Variants in PDGFA observed in about 807,000 individuals in gnomAD.
PDGFA encodes platelet-derived growth factor subunit A.
Under a neutral mutation model 25.6 loss-of-function variants are expected in PDGFA, and 9 were observed. The ratio of observed to expected loss-of-function variants is 0.35; its 90% confidence interval spans 0.21 to 0.61. The LOEUF (loss-of-function observed/expected upper bound fraction) is 0.61, where lower values mean the gene tolerates loss of function less well. Among genes scored for constraint, PDGFA ranks in the 20% least tolerant of loss-of-function variants. The probability of loss-of-function intolerance (pLI) is 0.75; values close to 1 mark genes in which losing one functional copy is unlikely to be tolerated. For synonymous variants in PDGFA, 133 were observed against 111.8 expected, an observed-to-expected ratio of 1.19 and a Z score of -1.20; for missense variants, 242 against 272.8, an observed-to-expected ratio of 0.89 and a Z score of 0.79.
chr7:517,474 CG>C lies in PDGFA; in HGVS notation c.79del (p.Arg27AlafsTer3), dbSNP rs1433021619. 1.5e-6 allele frequency: 2 copies of C among 1,341,536 alleles called. No individual in the cohort carries two copies. Among genetic ancestry groups the C allele is most frequent in the South Asian group, 1.7e-5 (1 of 58,290 alleles). The allele number at this position is 1,341,536 out of a possible 1,614,324, so 83.1% of individuals were successfully genotyped here. A position where few individuals can be genotyped will look rare whatever the true frequency, so the allele number is the denominator to read the frequency against. On this transcript the variant is annotated frameshift_variant, in exon 2 of 6. Transcript: ENST00000402802. LOFTEE classifies it high-confidence loss of function. This position sits in a 1 kb window ranked among gnomAD's most constrained non-coding sequence, Gnocchi z 7.4. ...GCGGGCCAGCCTCTCGATCACCTCG[CG>C]GGGGATCTCGGCTTCCTGCAAGCAG...
chr7:516,154 C>T (rs928126632), intron 2 of PDGFA, among the ~76,000 whole-genome samples: 4 of 148,656 alleles, frequency 2.7e-5, no homozygotes, highest in African/African-American at 5.0e-5. Flanking sequence ...CTGAGGGATC[C>T]GGTCAAAATC....
exon 1 of PDGFA, chr7:519,176 G>A: frequency 2.2e-6 from 1 of 458,786 alleles, no homozygotes; most frequent in Non-Finnish European, 3.9e-6. Context: ...AGTGAGTGCG[G>A]AGAGGCAGGC....
chr7:519,282 A>AGGGCGGG (rs1278240871), exon 1 of PDGFA: 1 of 60,584 alleles, frequency 1.7e-5, no homozygotes, highest in African/African-American at 6.6e-5. Context: ...GAAGGGGCGG[A>AGGGCGGG]GGGCGGGGGC....
chr7:516,007 C>CA (rs1783075612), intron 2 of PDGFA, among the ~76,000 whole-genome samples: 2 of 114,562 alleles, frequency 1.7e-5, no homozygotes, highest in Non-Finnish European at 3.6e-5. Context: ...CACCCCCCCC[C>CA]AGAAAAAGCC....
intron 4 of PDGFA, 53 bp from the exon 5 acceptor site, chr7:501,295 T>C (rs1428484682): frequency 6.8e-6 from 11 of 1,608,482 alleles, no homozygotes; most frequent in Non-Finnish European, 7.6e-6. Context: ...GCTTCGGACA[T>C]CACGACGTGC....
intron 1 of PDGFA, 130 bp downstream of exon 1, chr7:518,809 G>T: frequency 1.8e-6 from 1 of 551,182 alleles, no homozygotes; most frequent in Non-Finnish European, 3.1e-6. Flanking sequence ...GAACCCAGTT[G>T]GGAAAATCTA....
exon 6 of PDGFA, chr7:497,946 A>AAAC (rs1782137217): frequency 8.6e-6 from 1 of 116,396 alleles, no homozygotes; most frequent in South Asian, 2.9e-4. Flanking sequence ...GTGTAAAAAA[A>AAAC]AAAAAAAAAA....
Position 515,545 on chromosome 7 carries a change from TC to T in PDGFA, c.160+1848del, listed in dbSNP as rs200135104. 7.0e-3 allele frequency among the ~76,000 whole-genome samples: 1,069 copies of T among 151,774 alleles called. 10 individuals are homozygous for T. Among genetic ancestry groups the T allele is most frequent in the African/African-American group, 0.024 (1,010 of 41,382 alleles). Reference sequence around the variant, plus strand: ...GGAGGCCCCCCTATGTTACAAAAGGTCCCCCACCAGGGGCAAGAGAGGAGGT... The same window carrying T: ...GGAGGCCCCCCTATGTTACAAAAGGTCCCCACCAGGGGCAAGAGAGGAGGT... On this transcript the variant is annotated intron_variant, in intron 2 of 5. Coordinates refer to ENST00000402802, the Ensembl canonical transcript of PDGFA.
chr7:499,430 A>T (rs2128388243), intron 5 of PDGFA, among the ~76,000 whole-genome samples: 1 of 152,290 alleles, frequency 6.6e-6, no homozygotes, highest in East Asian at 1.9e-4. Context: ...TAAAGAAACT[A>T]TTTGTTTTGG....
rs138786227 is a variant in PDGFA at position 517,429 on chromosome 7, C to T, written c.125G>A (p.Arg42Gln). 334 of 1,393,598 alleles carry T rather than the reference C, an allele frequency of 2.4e-4. 1 individual carries two copies. The African/African-American group carries it at 4.4e-3, about 19-fold the overall frequency. 86.3% of individuals were successfully genotyped at this position (1,393,598 alleles called of 1,614,324 possible). Reference sequence around the variant, plus strand: ...TATCTCCAGGAGTCGCTGGAGGTCCCGGATGCTGTGGATCTGACTGCGGGC... The same window carrying T: ...TATCTCCAGGAGTCGCTGGAGGTCCTGGATGCTGTGGATCTGACTGCGGGC... The change falls in exon 2 of 6, where the codon CGG becomes CAG. Residue 42 changes from arginine (R) to glutamine (Q), a missense_variant. Arg to Gln is a conservative substitution (Grantham distance 43). Transcript: ENST00000402802. The surrounding 1 kb of genome is among the most constrained non-coding windows in gnomAD (Gnocchi z 7.4).
rs369047640 is a variant in PDGFA at position 498,577 on chromosome 7, G to T, written c.581-3C>A. 3 of 1,609,944 alleles carry T rather than the reference G, an allele frequency of 1.9e-6. No individual in the cohort carries two copies. Among genetic ancestry groups the T allele is most frequent in the African/African-American group, 2.7e-5 (2 of 74,856 alleles). ...TGCGGCTCATCCTCACCTCACATCT[G>T]CAGGGAGAAGGGAAAGACAGACACT... On this transcript the variant is annotated splice_region_variant and splice_polypyrimidine_tract_variant and intron_variant, in intron 5 of 5. Coordinates refer to ENST00000402802, the Ensembl canonical transcript of PDGFA.
At chr7:520,244 C>T (rs1035028578), upstream of PDGFA, 57 of 205,002 alleles carry the variant, frequency 2.8e-4, no homozygotes, top group Admixed American at 2.9e-3. Context: ...AGAGCTGCTG[C>T]GCCAAAAAGG....
intron 3 of PDGFA, among the ~76,000 whole-genome samples, chr7:511,471 G>C (rs1782849905): frequency 1.3e-5 from 2 of 151,468 alleles, no homozygotes; most frequent in South Asian, 4.2e-4. Context: ...CTTGCTGCAT[G>C]CTCTAGCCTT....
chr7:503,468 C>T (rs982105026), intron 4 of PDGFA, among the ~76,000 whole-genome samples: 25 of 152,032 alleles, frequency 1.6e-4, no homozygotes, highest in African/African-American at 5.8e-4. Flanking sequence ...AGACCTCAGC[C>T]CAAGGCCAGA....
At chr7:504,025 C>T (rs1270951432) in intron 4 of PDGFA, among the ~76,000 whole-genome samples, 1 of 152,178 alleles carries the variant, frequency 6.6e-6, no homozygotes, top group Admixed American at 6.5e-5. Flanking sequence ...CTCCGCAGGC[C>T]GTGCACACAC....
intron 4 of PDGFA, among the ~76,000 whole-genome samples, chr7:508,728 C>A (rs1782676144): frequency 2.0e-5 from 3 of 152,180 alleles, no homozygotes; most frequent in South Asian, 2.1e-4. Flanking sequence ...TTTAACCCAA[C>A]TGAAGCCAGT....
intron 1 of PDGFA, 55 bp downstream of exon 1, chr7:518,884 G>C (rs1027246733): frequency 3.2e-6 from 4 of 1,232,864 alleles, no homozygotes; most frequent in African/African-American, 1.6e-5. Flanking sequence ...CCAGCCGGCG[G>C]GGGGTGTGCG....
chr7:501,352 CT>C lies in PDGFA; in HGVS notation c.454-111del. ...GAGGGAGGAGAGAGCAGCCTGACCC[CT>C]GACCTCCTCCCAGAAACACTACCTT... is the stretch of plus-strand genomic sequence containing the variant. On this transcript the variant is annotated intron_variant, in intron 4 of 5. Transcript: ENST00000402802. 2.2e-6 allele frequency: 3 copies of C among 1,346,900 alleles called. 1 individual carries two copies. The South Asian group carries it at 3.6e-5, about 16-fold the overall frequency. The allele number at this position is 1,346,900 out of a possible 1,614,324, so 83.4% of individuals were successfully genotyped here.
intron 4 of PDGFA, among the ~76,000 whole-genome samples, chr7:502,975 G>A (rs957360743): frequency 6.6e-6 from 1 of 152,016 alleles, no homozygotes; most frequent in Non-Finnish European, 1.5e-5. Flanking sequence ...TACACACACA[G>A]AGTGCAAGCA....
Sources: gnomAD v4.1 joint callset for allele counts (sites outside exome capture counted in the v4.1 genomes callset) on GRCh38, gnomAD v4.1.1 for gene constraint, Gnocchi (gnomAD v3.1) non-coding constraint, MANE v1.5 for transcripts, NCBI Gene and HGNC (gene_info 2026-07-23, HGNC 2026-07-21) for gene names.